The following CA12 variants were observed in gnomAD, a reference collection of about 807,000 sequenced individuals.
The protein encoded by CA12 is carbonate dehydratase XII.
Under a neutral mutation model 46.8 loss-of-function variants are expected in CA12, and 36 were observed. The observed-to-expected ratio is 0.77, with a 90% CI of 0.59 to 1.02. The LOEUF (loss-of-function observed/expected upper bound fraction) is 1.02. CA12 is among the 50% of genes least tolerant of loss of function. The pLI is 0.00. For missense variants in CA12, 436 were observed against 451.4 expected (o/e 0.97, Z 0.31); for synonymous variants, 202 against 187.0 (o/e 1.08, Z -0.65).
chr15:63,345,548 G>C lies in CA12; in HGVS notation c.358C>G (p.Leu120Val), dbSNP rs1252795711. ...QSRYSATQLHLHWGNPNDPHG... is the reference protein window; with the variant it reads ...QSRYSATQLHVHWGNPNDPHG... The stretch of plus-strand genomic sequence containing the variant: ...GGGTCATTCGGGTTCCCCCAGTGCA[G>C]GTGCAGCTGCGTGGCACTGTAGCGA... The change falls in exon 4 of 11, where the codon CTG becomes GTG. Residue 120 changes from leucine to valine, a missense_variant. By Grantham distance (32) the Leu-to-Val change is conservative. Coordinates refer to ENST00000178638, the MANE Select transcript of CA12 (RefSeq NM_001218.5). The surrounding 1 kb of genome is among the most constrained non-coding windows in gnomAD (Gnocchi z 4.3). 3 of 1,613,330 alleles carry C rather than the reference G, an allele frequency of 1.9e-6. 1 individual carries two copies. The South Asian group carries it at 3.3e-5, about 18-fold the overall frequency.
At chr15:63,381,573 C>A in intron 1 of CA12, 63 bp downstream of exon 1, 1 of 1,328,714 alleles carries the variant, frequency 7.5e-7, no homozygotes, top group Non-Finnish European at 1.1e-6. Flanking sequence ...CATTGAAGAG[C>A]CTTCAGCCCA....
Position 63,326,195 on chromosome 15 carries a change from A to G in CA12, c.*90T>C. The G allele has an allele frequency of 2.1e-6, 2 of 964,532 alleles. No individual in the cohort carries two copies. The highest frequency in any genetic ancestry group is 2.6e-5 in the South Asian group (2 of 77,828). The allele number at this position is 964,532 out of a possible 1,614,324, so 59.7% of individuals were successfully genotyped here. ...GTTTGCAGATTGAGCTACAGAGAAC[A>G]CCTTGAGGTGTCGCAAGTGTCCAGA... On this transcript the variant is annotated 3_prime_UTR_variant, in exon 11 of 11. Transcript: ENST00000178638.
At chr15:63,337,951 A>T (rs2152614235) in intron 8 of CA12, among the ~76,000 whole-genome samples, 1 of 152,282 alleles carries the variant, frequency 6.6e-6, no homozygotes, top group East Asian at 1.9e-4. Context: ...AGCCATGAAG[A>T]TTCCCAAGCT....
chr15:63,381,629 A>T lies in CA12; in HGVS notation c.85+7T>A. ...AGTGTTAGGAAAGAAGCAGGCGGAA[A>T]CTTTACCGTTCACTGGGGCCGGGCT... On this transcript the variant is annotated splice_region_variant and intron_variant, in intron 1 of 10. Transcript: ENST00000178638. 1 of 1,609,128 alleles carries T rather than the reference A, an allele frequency of 6.2e-7. No individual in the cohort carries two copies. The highest frequency in any genetic ancestry group is 8.5e-7 in the Non-Finnish European group (1 of 1,177,686).
Position 63,326,174 on chromosome 15 carries a change from G to T in CA12, c.*111C>A. The stretch of plus-strand genomic sequence containing the variant: ...AGGATCCCTGAGGCCTGGCATGTTT[G>T]CAGATTGAGCTACAGAGAACACCTT... On this transcript the variant is annotated 3_prime_UTR_variant, in exon 11 of 11. Coordinates refer to ENST00000178638, the MANE Select transcript of CA12 (RefSeq NM_001218.5). The T allele has an allele frequency of 1.2e-6, 1 of 856,810 alleles. No individual in the cohort carries two copies. The highest frequency in any genetic ancestry group is 2.0e-6 in the Non-Finnish European group (1 of 503,888). The allele number at this position is 856,810 out of a possible 1,614,324, so 53.1% of individuals were successfully genotyped here.
intron 2 of CA12, among the ~76,000 whole-genome samples, chr15:63,371,829 A>T (rs1416549815): frequency 2.2e-5 from 2 of 91,628 alleles, no homozygotes; most frequent in African/African-American, 8.0e-5. Context: ...TGTTTTGAAC[A>T]CACTAGGGTT....
In CA12 at chr15:63,332,118, C is replaced by T. The variant is rs1367774967; in HGVS notation, c.875-3988G>A. On this transcript the variant is annotated intron_variant, in intron 8 of 10. Transcript: ENST00000178638. The stretch of plus-strand genomic sequence containing the variant: ...TCAGGGGTTTGATAGTTTAAATACA[C>T]AAAATCTGTTAGGAAGGTAAAAAGC... Among the ~76,000 whole-genome samples, 7 of 152,116 alleles carry T rather than the reference C, an allele frequency of 4.6e-5. No homozygotes were observed. The East Asian group carries it at 1.3e-3, about 29-fold the overall frequency.
rs759138356 is a variant in CA12, at chr15:63,375,667, TCC to T, written c.95_96del (p.Trp32TyrfsTer6). ...SSPAPVNGSKWTYFGPDGENS... is the reference protein window; with the variant it reads ...SSPAPVNGSKXTYFGPDGENS... ...TAAAATCTCTACTTACCAAAATAAGTCCACTTGGAACCTACAAAGAACAAAAC... is the reference window on the plus strand; with the variant it reads ...TAAAATCTCTACTTACCAAAATAAGTACTTGGAACCTACAAAGAACAAAAC... On this transcript the variant is annotated frameshift_variant, in exon 2 of 11. Transcript: ENST00000178638. LOFTEE classifies it high-confidence loss of function. The T allele has an allele frequency of 2.5e-6, 4 of 1,570,872 alleles. No individual in the cohort carries two copies. Among genetic ancestry groups the T allele is most frequent in the Non-Finnish European group, 3.5e-6 (4 of 1,142,944 alleles).
rs2039079601 is a variant in CA12, at chr15:63,341,502, G to A, written c.525+500C>T. 6.6e-6 allele frequency among the ~76,000 whole-genome samples: 1 copy of A among 152,180 alleles called. No individual in the cohort carries two copies. Among genetic ancestry groups the A allele is most frequent in the African/African-American group, 2.4e-5 (1 of 41,428 alleles). On this transcript the variant is annotated intron_variant, in intron 5 of 10. Coordinates refer to ENST00000178638, the MANE Select transcript of CA12 (RefSeq NM_001218.5). The surrounding 1 kb of genome is among the most constrained non-coding windows in gnomAD (Gnocchi z 5.2). Reference sequence around the variant, plus strand: ...AACTAATGCTTGATGATCTGAGGTGGAACAGTTTCATCCCAAAACCATCTC... The same window carrying A: ...AACTAATGCTTGATGATCTGAGGTGAAACAGTTTCATCCCAAAACCATCTC...
Position 63,327,286 on chromosome 15 carries a change from A to G in CA12, c.908-53T>C. 7.0e-7 allele frequency: 1 copy of G among 1,428,564 alleles called. No individual in the cohort carries two copies. The highest frequency in any genetic ancestry group is 9.8e-7 in the Non-Finnish European group (1 of 1,020,506). 88.5% of individuals were successfully genotyped at this position (1,428,564 alleles called of 1,614,324 possible). Reference sequence around the variant, plus strand: ...ACATTCCTTCCTTCCCCTCCATCTTAGCCCATGGCCCCCGGGTGTGAAATC... The same window carrying G: ...ACATTCCTTCCTTCCCCTCCATCTTGGCCCATGGCCCCCGGGTGTGAAATC... On this transcript the variant is annotated intron_variant, in intron 9 of 10. Transcript: ENST00000178638. The surrounding 1 kb of genome is among the most constrained non-coding windows in gnomAD (Gnocchi z 4.5).
At position 63,340,461 on chromosome 15, in the gene CA12, G is replaced by C. The variant is rs897797174; in HGVS notation, c.590-16C>G. 1.2e-6 allele frequency: 2 copies of C among 1,614,032 alleles called. No individual in the cohort carries two copies. Among genetic ancestry groups the C allele is most frequent in the African/African-American group, 2.7e-5 (2 of 74,938 alleles). ...GCTTCCTGGCCTAGAGAGACATGTT[G>C]CAGAGGTGATAGTGTCAGCCTCCCT... On this transcript the variant is annotated splice_polypyrimidine_tract_variant and intron_variant, in intron 6 of 10. Transcript: ENST00000178638. This position sits in a 1 kb window ranked among gnomAD's most constrained non-coding sequence, Gnocchi z 4.4.
rs1446661300 is a variant in CA12 at position 63,331,254 on chromosome 15, G to C, written c.875-3124C>G. On this transcript the variant is annotated intron_variant, in intron 8 of 10. Coordinates refer to ENST00000178638, the MANE Select transcript of CA12 (RefSeq NM_001218.5). The surrounding 1 kb of genome is among the most constrained non-coding windows in gnomAD (Gnocchi z 5.3). The stretch of plus-strand genomic sequence containing the variant: ...ACAGGGAGAACTGTCAGGGCAACCA[G>C]AGAACTAGAACCTGAGTGCGAAGCC... Among the ~76,000 whole-genome samples, 2 of 152,220 alleles carry C rather than the reference G, an allele frequency of 1.3e-5. No homozygotes were observed. The highest frequency in any genetic ancestry group is 4.8e-5 in the African/African-American group (2 of 41,454).
intron 1 of CA12, chr15:63,379,044 C>CAT (rs1288822119): frequency 6.6e-6 from 1 of 152,178 alleles, no homozygotes; most frequent in Non-Finnish European, 1.5e-5. Flanking sequence ...GCCTCAGCAT[C>CAT]ACACTCTGGA....
intron 2 of CA12, among the ~76,000 whole-genome samples, chr15:63,360,746 C>T (rs1050930438): frequency 3.4e-4 from 51 of 152,226 alleles, no homozygotes; most frequent in African/African-American, 1.1e-3. Flanking sequence ...TGCTGACAGA[C>T]GCACATGCCC....
In CA12 at chr15:63,328,650, A is replaced by T. The variant is rs2038899040; in HGVS notation, c.875-520T>A. ...CGCCCGGCCCCGATGCTCCTTTATC[A>T]CAACAGTTTCCTGGCTAGGGCAAGA... is the stretch of plus-strand genomic sequence containing the variant. On this transcript the variant is annotated intron_variant, in intron 8 of 10. Transcript: ENST00000178638. The surrounding 1 kb of genome is among the most constrained non-coding windows in gnomAD (Gnocchi z 5.9). 6.6e-6 allele frequency among the ~76,000 whole-genome samples: 1 copy of T among 152,038 alleles called. No homozygotes were observed. The highest frequency in any genetic ancestry group is 1.5e-5 in the Non-Finnish European group (1 of 68,002).
intron 2 of CA12, among the ~76,000 whole-genome samples, chr15:63,366,000 G>T (rs899180052): frequency 3.9e-5 from 6 of 152,132 alleles, no homozygotes; most frequent in Admixed American, 2.0e-4. Context: ...AATTAGCTGG[G>T]CGTGATGGCG....
In CA12 at chr15:63,364,332, G is replaced by GAAAAAAAAAAAAAA. The variant is rs34673043; in HGVS notation, c.106+11312_106+11325dup. On this transcript the variant is annotated intron_variant, in intron 2 of 10. Coordinates refer to ENST00000178638, the MANE Select transcript of CA12 (RefSeq NM_001218.5). ...GTGAAACAGTGAAACCCCGTCACTA[G>GAAAAAAAAAAAAAA]AAAAAAAAAAAAAAAAAAAAAAACA... is the stretch of plus-strand genomic sequence containing the variant. Among the ~76,000 whole-genome samples the GAAAAAAAAAAAAAA allele has an allele frequency of 1.7e-3, 97 of 56,114 alleles. 25 individuals carry two copies. The highest frequency in any genetic ancestry group is 5.8e-3 in the East Asian group (7 of 1,208). The allele number at this position is 56,114 out of a possible 152,430, so 36.8% of individuals were successfully genotyped here.
rs1349409409 is a variant in CA12 at position 63,322,040 on chromosome 15, G to A, written c.*4245C>T. The A allele has an allele frequency of 6.6e-6, 1 of 152,152 alleles. No individual in the cohort carries two copies. The highest frequency in any genetic ancestry group is 1.5e-5 in the Non-Finnish European group (1 of 68,030). The allele number at this position is 152,152 out of a possible 1,614,324, so 9.4% of individuals were successfully genotyped here. A position where few individuals can be genotyped will look rare whatever the true frequency, so the allele number is the denominator to read the frequency against. The stretch of plus-strand genomic sequence containing the variant: ...GGGTTCGTCGTCCGGGTCTGCGCAG[G>A]GCATGGATCTTGAGCGCTTGGAATG... On this transcript the variant is annotated 3_prime_UTR_variant, in exon 11 of 11. Transcript: ENST00000178638. This position sits in a 1 kb window ranked among gnomAD's most constrained non-coding sequence, Gnocchi z 4.1.
intron 2 of CA12, among the ~76,000 whole-genome samples, chr15:63,365,167 A>C (rs909349262): frequency 3.9e-5 from 6 of 152,216 alleles, no homozygotes; most frequent in African/African-American, 1.4e-4. Flanking sequence ...ACAGTGTAAA[A>C]TATTTATTTA....
Sources: allele counts gnomAD v4.1 joint callset (sites outside exome capture counted in the v4.1 genomes callset), GRCh38; gene constraint gnomAD v4.1.1; non-coding constraint Gnocchi (gnomAD v3.1); transcripts MANE v1.5; gene names NCBI Gene and HGNC (gene_info 2026-07-23, HGNC 2026-07-21).